Variants in TRIM9 observed in about 807,000 individuals in gnomAD.
The protein encoded by TRIM9 is tripartite motif containing 9, also known as E3 ubiquitin-protein ligase TRIM9.
TRIM9 carries 26 observed loss-of-function variants against 78.3 expected under a neutral mutation model. That is an observed-to-expected ratio of 0.33 (90% CI 0.24 to 0.46). TRIM9 has a LOEUF of 0.46. TRIM9 is among the 20% of genes least tolerant of loss of function. TRIM9 has a pLI of 1.00. For missense variants in TRIM9, 787 were observed against 1,036.4 expected (o/e 0.76, Z 3.30); for synonymous variants, 398 against 416.5 (o/e 0.96, Z 0.54).
intron 1 of TRIM9, among the ~76,000 whole-genome samples, chr14:51,087,285 T>C (rs1004710794): frequency 1.3e-5 from 2 of 152,008 alleles, no homozygotes; most frequent in African/African-American, 2.4e-5. Context: ...GCAGATGGGA[T>C]TGTGACTAGA....
intron 1 of TRIM9, among the ~76,000 whole-genome samples, chr14:51,072,534 GT>G (rs541489705): frequency 2.2e-4 from 33 of 151,966 alleles, no homozygotes; most frequent in Middle Eastern, 3.4e-3. Flanking sequence ...TAAAAAACAA[GT>G]TTTTTTCTAT....
At chr14:51,066,826 C>T (rs1302704030) in intron 1 of TRIM9, among the ~76,000 whole-genome samples, 4 of 152,150 alleles carry the variant, frequency 2.6e-5, no homozygotes, top group East Asian at 1.9e-4. Flanking sequence ...AACAGGTGGT[C>T]GCCTGCGATT....
At position 50,977,215 on chromosome 14, in the gene TRIM9, C is replaced by G; in HGVS notation, c.*76G>C. 7.8e-7 allele frequency: 1 copy of G among 1,287,044 alleles called. No homozygotes were observed. The highest frequency in any genetic ancestry group is 1.0e-6 in the Non-Finnish European group (1 of 974,856). 79.7% of individuals were successfully genotyped at this position (1,287,044 alleles called of 1,614,324 possible). ...CTCCTGCCAACTCTGCACCCCACCA[C>G]GGCTGGCTGAGCTCCTTGCTGTGGC... On this transcript the variant is annotated 3_prime_UTR_variant, in exon 13 of 13. Coordinates refer to ENST00000684578, the MANE Select transcript of TRIM9 (RefSeq NM_001387360.1).
At chr14:51,066,182 T>C (rs1221095585) in intron 1 of TRIM9, among the ~76,000 whole-genome samples, 1 of 151,986 alleles carries the variant, frequency 6.6e-6, no homozygotes, top group Non-Finnish European at 1.5e-5. Flanking sequence ...TACTGCCCCA[T>C]TTCTGTGTTC....
intron 1 of TRIM9, among the ~76,000 whole-genome samples, chr14:51,069,665 G>A (rs2062042952): frequency 6.6e-6 from 1 of 152,218 alleles, no homozygotes; most frequent in South Asian, 2.1e-4. Context: ...GGTCATATCA[G>A]AATGATGCAA....
chr14:51,077,166 G>A (rs1329716503), intron 1 of TRIM9, among the ~76,000 whole-genome samples: 1 of 152,142 alleles, frequency 6.6e-6, no homozygotes, highest in Non-Finnish European at 1.5e-5. Context: ...CAAAATGCTT[G>A]TCATCCTTTG....
chr14:50,978,498 T>C (rs781096924), intron 12 of TRIM9, among the ~76,000 whole-genome samples: 7 of 152,158 alleles, frequency 4.6e-5, no homozygotes, highest in Non-Finnish European at 1.0e-4. Context: ...GCACAGGCTG[T>C]TCCCTCTGTC....
At chr14:50,988,834 T>TA (rs2053097471) in intron 7 of TRIM9, among the ~76,000 whole-genome samples, 1 of 152,198 alleles carries the variant, frequency 6.6e-6, no homozygotes, top group South Asian at 2.1e-4. Flanking sequence ...AAGTCATCTA[T>TA]ACCACTTCAC....
chr14:51,023,005 G>A (rs766941627), intron 2 of TRIM9, 48 bp from the exon 3 acceptor site: 7 of 1,607,896 alleles, frequency 4.4e-6, no homozygotes, highest in Non-Finnish European at 5.1e-6. Context: ...GGGTGCCTCA[G>A]GCTGCCAGAG....
rs923148285 is a variant in TRIM9 at position 51,095,063 on chromosome 14, C to G, written c.-124G>C. 1.6e-6 allele frequency: 1 copy of G among 633,428 alleles called. No individual in the cohort carries two copies. Among genetic ancestry groups the G allele is most frequent in the Admixed American group, 3.8e-5 (1 of 26,556 alleles). 39.2% of individuals were successfully genotyped at this position (633,428 alleles called of 1,614,324 possible). A position where few individuals can be genotyped will look rare whatever the true frequency, so the allele number is the denominator to read the frequency against. ...GGCGGCTGTGGTGGTGGTGCCTTCC[C>G]GCGCAGCACTGGCACGGACACCCAG... On this transcript the variant is annotated 5_prime_UTR_variant, in exon 1 of 13. Transcript: ENST00000684578.
chr14:50,979,108 C>G, intron 12 of TRIM9: 1 of 1,353,528 alleles, frequency 7.4e-7, no homozygotes, highest in South Asian at 2.2e-5. Flanking sequence ...AGAGGTGAAA[C>G]TAGAGCTACA....
At chr14:51,077,923 T>C (rs1185952226) in intron 1 of TRIM9, among the ~76,000 whole-genome samples, 1 of 152,254 alleles carries the variant, frequency 6.6e-6, no homozygotes, top group Non-Finnish European at 1.5e-5. Flanking sequence ...CATTCTTCTT[T>C]CTGGGCATAT....
intron 11 of TRIM9, 113 bp from the exon 12 acceptor site, chr14:50,979,662 C>A: frequency 1.2e-6 from 1 of 863,696 alleles, no homozygotes. Context: ...ATCACTACCC[C>A]AAAACCGTTT....
intron 1 of TRIM9, among the ~76,000 whole-genome samples, chr14:51,067,387 C>T (rs945855409): frequency 1.4e-4 from 22 of 152,172 alleles, no homozygotes; most frequent in African/African-American, 4.6e-4. Context: ...CTTCTACTGT[C>T]GGTTCTTGCC....
intron 1 of TRIM9, among the ~76,000 whole-genome samples, chr14:51,071,387 G>GAAAAAAAAAAAA (rs56726763): frequency 4.3e-5 from 5 of 115,844 alleles, no homozygotes; most frequent in Admixed American, 9.3e-5. Flanking sequence ...AAAAAAAAAA[G>GAAAAAAAAAAAA]AAAAAAAAAA....
chr14:50,981,019 C>CATAAGG (rs1272168374), intron 11 of TRIM9, among the ~76,000 whole-genome samples: 3 of 150,996 alleles, frequency 2.0e-5, no homozygotes, highest in Non-Finnish European at 4.4e-5. Context: ...AGAATGTATC[C>CATAAGG]TGGGGAAATC....
intron 1 of TRIM9, among the ~76,000 whole-genome samples, chr14:51,031,170 G>T (rs1174380692): frequency 1.6e-5 from 2 of 128,540 alleles, no homozygotes; most frequent in Non-Finnish European, 3.4e-5. Context: ...AAAAAAGAAA[G>T]AAAAGAAAAG....
chr14:51,066,087 A>AGGAAGGAAGGAAGGAAGGAGGGAG (rs1555346990), intron 1 of TRIM9, among the ~76,000 whole-genome samples: 1 of 72,372 alleles, frequency 1.4e-5, no homozygotes, highest in African/African-American at 5.6e-5. Context: ...GAAGGAAGGA[A>AGGAAGGAAGGAAGGAAGGAGGGAG]GGAGGGAGGG....
intron 1 of TRIM9, among the ~76,000 whole-genome samples, chr14:51,069,275 GT>G (rs943658169): frequency 2.2e-4 from 34 of 152,154 alleles, no homozygotes; most frequent in African/African-American, 8.2e-4. Flanking sequence ...CCCTTAAGTG[GT>G]TCATCTGTGT....
Sources: allele counts gnomAD v4.1 joint callset (sites outside exome capture counted in the v4.1 genomes callset), GRCh38; gene constraint gnomAD v4.1.1; transcripts MANE v1.5; gene names NCBI Gene and HGNC (gene_info 2026-07-23, HGNC 2026-07-21).